Variants in GLCCI1 observed in about 807,000 individuals in gnomAD.
GLCCI1 encodes glucocorticoid-induced transcript 1 protein.
In GLCCI1, 24 loss-of-function variants were observed where a neutral mutation model predicts 52.2. The ratio of observed to expected loss-of-function variants is 0.46; its 90% CI spans 0.33 to 0.65. GLCCI1 has a LOEUF of 0.65. Ranked by LOEUF, GLCCI1 falls within the 30% of genes least tolerant of loss-of-function variation. The probability of loss-of-function intolerance (pLI) is 0.02; values close to 1 mark genes in which losing one functional copy is unlikely to be tolerated. For synonymous variants in GLCCI1, 310 were observed against 276.5 expected, an observed-to-expected ratio of 1.12 and a Z score of -1.20; for missense variants, 704 against 701.5, an observed-to-expected ratio of 1.00 and a Z score of -0.04.
At position 8,086,571 on chromosome 7, in the gene GLCCI1, A is replaced by G. The variant is rs370096227; in HGVS notation, c.*33A>G. 8 of 1,495,250 alleles carry G rather than the reference A, an allele frequency of 5.4e-6. No homozygotes were observed. The highest frequency in any genetic ancestry group is 2.8e-5 in the African/African-American group (2 of 71,296). The allele number at this position is 1,495,250 out of a possible 1,614,324, so 92.6% of individuals were successfully genotyped here. A position where few individuals can be genotyped will look rare whatever the true frequency, so the allele number is the denominator to read the frequency against. On this transcript the variant is annotated 3_prime_UTR_variant, in exon 8 of 8. Transcript: ENST00000223145. This position sits in a 1 kb window ranked among gnomAD's most constrained non-coding sequence, Gnocchi z 4.4. The stretch of plus-strand genomic sequence containing the variant: ...GGAGCTGGCCTCCACCCTATGTTCC[A>G]TGGATTCGGAACAAGATTTCAGACA...
chr7:8,071,500 A>G (rs770811304), intron 6 of GLCCI1, among the ~76,000 whole-genome samples: 10 of 152,232 alleles, frequency 6.6e-5, no homozygotes, highest in Non-Finnish European at 1.2e-4. Context: ...TTTTATAATC[A>G]GATTGATTTG....
intron 1 of GLCCI1, among the ~76,000 whole-genome samples, chr7:7,970,164 G>T (rs1331345121): frequency 6.6e-6 from 1 of 152,196 alleles, no homozygotes; most frequent in Non-Finnish European, 1.5e-5. Context: ...AGCGGATAAG[G>T]TGGCGGTTGT....
intron 6 of GLCCI1, among the ~76,000 whole-genome samples, chr7:8,077,127 C>T (rs1450248467): frequency 1.3e-5 from 2 of 152,196 alleles, no homozygotes; most frequent in Non-Finnish European, 2.9e-5. Context: ...TCTTCCCCTT[C>T]TTGCTGTTGG....
intron 2 of GLCCI1, among the ~76,000 whole-genome samples, chr7:8,020,209 A>G (rs1185484267): frequency 6.6e-6 from 1 of 152,116 alleles, no homozygotes; most frequent in African/African-American, 2.4e-5. Context: ...TAAGACAAAC[A>G]TACACATTAG....
chr7:8,047,754 T>A (rs1206213038), intron 3 of GLCCI1, among the ~76,000 whole-genome samples: 2 of 152,238 alleles, frequency 1.3e-5, no homozygotes, highest in Non-Finnish European at 2.9e-5. Flanking sequence ...ACAAAAGGAC[T>A]TTAAATTAGC....
rs1416314939 is a variant in GLCCI1 at position 8,086,684 on chromosome 7, C to T, written c.*146C>T. 7.2e-6 allele frequency: 5 copies of T among 694,332 alleles called. No individual in the cohort carries two copies. The highest frequency in any genetic ancestry group is 4.0e-5 in the South Asian group (2 of 49,506). 43.0% of individuals were successfully genotyped at this position (694,332 alleles called of 1,614,324 possible). On this transcript the variant is annotated 3_prime_UTR_variant, in exon 8 of 8. Coordinates refer to ENST00000223145, the MANE Select transcript of GLCCI1 (RefSeq NM_138426.4). The surrounding 1 kb of genome is among the most constrained non-coding windows in gnomAD (Gnocchi z 4.4). ...AGTATCTCTTAAACACTGATCTTGG[C>T]AGGGACGGAACTCCTATTCAGCAGT...
At chr7:8,060,974 A>G (rs918276190) in intron 5 of GLCCI1, among the ~76,000 whole-genome samples, 3 of 152,052 alleles carry the variant, frequency 2.0e-5, no homozygotes, top group African/African-American at 7.2e-5. Flanking sequence ...CCTCACCAAC[A>G]CTTGTAATTA....
chr7:8,044,144 A>C (rs1315461988), intron 3 of GLCCI1, among the ~76,000 whole-genome samples: 1 of 151,838 alleles, frequency 6.6e-6, no homozygotes, highest in Non-Finnish European at 1.5e-5. Context: ...ACAGGGTTTC[A>C]CCATGTTAGC....
chr7:7,975,608 T>A (rs1280377898), intron 1 of GLCCI1, among the ~76,000 whole-genome samples: 1 of 152,238 alleles, frequency 6.6e-6, no homozygotes, highest in Non-Finnish European at 1.5e-5. Flanking sequence ...TTGGTTTTCT[T>A]TTGTTTCCAT....
At chr7:7,981,188 A>T in intron 1 of GLCCI1, 1 of 361,208 alleles carries the variant, frequency 2.8e-6, no homozygotes, top group South Asian at 2.3e-5. Context: ...TTGGGCCAAT[A>T]AGAAGTTGTG....
At chr7:8,036,265 A>G (rs1219252451) in intron 3 of GLCCI1, among the ~76,000 whole-genome samples, 2 of 152,204 alleles carry the variant, frequency 1.3e-5, no homozygotes, top group Non-Finnish European at 2.9e-5. Flanking sequence ...TACAACTAGT[A>G]TTTGAGAAGC....
In GLCCI1 at chr7:8,015,193, A is replaced by G. The variant is rs114232467; in HGVS notation, c.610-7290A>G. Among the ~76,000 whole-genome samples, 1,103 of 152,310 alleles carry G rather than the reference A, an allele frequency of 7.2e-3. 17 individuals carry two copies. Among genetic ancestry groups the G allele is most frequent in the African/African-American group, 0.025 (1,037 of 41,564 alleles). ...TTTAAAGTACCTAGCCTTTTCCTCC[A>G]TTCCTGAAAGGAGCTTGGTTAGGGA... On this transcript the variant is annotated intron_variant, in intron 2 of 7. Transcript: ENST00000223145.
chr7:8,025,887 GAA>G (rs1326241012), intron 3 of GLCCI1, among the ~76,000 whole-genome samples: 1 of 152,164 alleles, frequency 6.6e-6, no homozygotes, highest in African/African-American at 2.4e-5. Flanking sequence ...AAGTGAAGGT[GAA>G]AAAATGGCAT....
chr7:7,995,107 C>G (rs1468929670), intron 1 of GLCCI1, among the ~76,000 whole-genome samples: 4 of 152,276 alleles, frequency 2.6e-5, no homozygotes, highest in African/African-American at 9.6e-5. Flanking sequence ...GTATCCTCTA[C>G]TAGAAGAGTG....
intron 3 of GLCCI1, among the ~76,000 whole-genome samples, chr7:8,034,317 A>G (rs915584550): frequency 6.6e-6 from 1 of 152,192 alleles, no homozygotes; most frequent in African/African-American, 2.4e-5. Context: ...TATTAATTAG[A>G]CATTCTTAGA....
intron 1 of GLCCI1, among the ~76,000 whole-genome samples, chr7:7,993,299 C>G (rs1172726442): frequency 2.0e-5 from 3 of 152,130 alleles, no homozygotes; most frequent in Admixed American, 1.3e-4. Flanking sequence ...TAAAAAAATT[C>G]TCGATTCTGC....
chr7:8,022,599 C>T (rs1438433877), intron 3 of GLCCI1, 30 bp downstream of exon 3: 5 of 1,440,074 alleles, frequency 3.5e-6, no homozygotes, highest in Non-Finnish European at 4.7e-6. Flanking sequence ...CGTCTGTAAC[C>T]TGTTTTGGTC....
At chr7:7,991,070 T>A (rs1054087581) in intron 1 of GLCCI1, among the ~76,000 whole-genome samples, 10 of 152,132 alleles carry the variant, frequency 6.6e-5, no homozygotes, top group Admixed American at 5.9e-4. Context: ...TTTGCAGCAG[T>A]AGATTAGCTT....
Position 8,086,638 on chromosome 7 carries a change from T to A in GLCCI1, c.*100T>A. The stretch of plus-strand genomic sequence containing the variant: ...ACTTTCTGAACACCACCACCACCAA[T>A]AATACTTATCAGCATCATAAAGTAT... On this transcript the variant is annotated 3_prime_UTR_variant, in exon 8 of 8. Transcript: ENST00000223145. This position sits in a 1 kb window ranked among gnomAD's most constrained non-coding sequence, Gnocchi z 4.4. The A allele has an allele frequency of 1.1e-6, 1 of 882,116 alleles. No individual in the cohort carries two copies. The highest frequency in any genetic ancestry group is 1.6e-5 in the South Asian group (1 of 60,636). 54.6% of individuals were successfully genotyped at this position (882,116 alleles called of 1,614,324 possible). A position where few individuals can be genotyped will look rare whatever the true frequency, so the allele number is the denominator to read the frequency against.
Sources: gnomAD v4.1 joint callset for allele counts (sites outside exome capture counted in the v4.1 genomes callset) on GRCh38, gnomAD v4.1.1 for gene constraint, Gnocchi (gnomAD v3.1) non-coding constraint, MANE v1.5 for transcripts, NCBI Gene and HGNC (gene_info 2026-07-23, HGNC 2026-07-21) for gene names.